HIKESHI: variants seen among roughly 807,000 people sequenced by gnomAD.
HIKESHI encodes heat shock protein nuclear import factor hikeshi.
A neutral mutation model predicts 25.7 loss-of-function variants in HIKESHI; 13 were observed. The observed-to-expected ratio is 0.51, with a 90% CI of 0.33 to 0.80. The LOEUF (loss-of-function observed/expected upper bound fraction) is 0.80, where lower values mean the gene tolerates loss of function less well. Among genes scored for constraint, HIKESHI ranks in the 30% least tolerant of loss-of-function variants. The pLI is 0.02. For missense variants in HIKESHI, 174 were observed against 229.5 expected (o/e 0.76, Z 1.56); for synonymous variants, 76 against 78.7 (o/e 0.97, Z 0.18).
chr11:86,317,436 A>G (rs535974830), intron 2 of HIKESHI, among the ~76,000 whole-genome samples: 10 of 152,336 alleles, frequency 6.6e-5, no homozygotes, highest in African/African-American at 2.2e-4. Context: ...ATGATGGAAA[A>G]CAAACAATAG....
intron 2 of HIKESHI, among the ~76,000 whole-genome samples, chr11:86,308,052 A>C (rs1946708881): frequency 8.1e-6 from 1 of 123,256 alleles, no homozygotes; most frequent in Non-Finnish European, 1.6e-5. Flanking sequence ...TATAAATTAC[A>C]TATAATATAT....
rs574606443 is a variant in HIKESHI, at chr11:86,305,625, A to G, written c.31-620A>G. Among the ~76,000 whole-genome samples the G allele has an allele frequency of 1.8e-3, 274 of 150,234 alleles. 1 individual carries two copies. The highest frequency in any genetic ancestry group is 6.6e-3 in the African/African-American group (269 of 40,884). On this transcript the variant is annotated intron_variant, in intron 1 of 4. Coordinates refer to ENST00000278483, the MANE Select transcript of HIKESHI (RefSeq NM_016401.4). ...GGTTTCGAACTCCTGACGTCGTGTG[A>G]TCCTGGCCTCCCAGAGTGCCAGGAT...
At chr11:86,326,022 G>C (rs1947272857) in intron 2 of HIKESHI, among the ~76,000 whole-genome samples, 1 of 152,166 alleles carries the variant, frequency 6.6e-6, no homozygotes, top group African/African-American at 2.4e-5. Flanking sequence ...TTCAGGCCAG[G>C]CACCGTGGCT....
At chr11:86,334,831 GGTCTCCCCAT>G (rs985073404) in intron 2 of HIKESHI, among the ~76,000 whole-genome samples, 2 of 152,074 alleles carry the variant, frequency 1.3e-5, no homozygotes, top group Non-Finnish European at 2.9e-5. Flanking sequence ...GTAGAGATGG[GGTCTCCCCAT>G]GTTGCCCAGG....
intron 2 of HIKESHI, among the ~76,000 whole-genome samples, chr11:86,307,427 A>G (rs1386633671): frequency 7.3e-6 from 1 of 136,734 alleles, no homozygotes; most frequent in Non-Finnish European, 1.5e-5. Context: ...TATTATGTGT[A>G]GTATACATTA....
chr11:86,303,349 A>G (rs1039242319), intron 1 of HIKESHI: 1 of 925,900 alleles, frequency 1.1e-6, no homozygotes, highest in African/African-American at 1.8e-5. Flanking sequence ...TATTCTGTAC[A>G]TATACAGTTC....
intron 2 of HIKESHI, among the ~76,000 whole-genome samples, chr11:86,312,045 G>T (rs536238795): frequency 6.6e-6 from 1 of 152,288 alleles, no homozygotes; most frequent in East Asian, 1.9e-4. Flanking sequence ...TGTTGATTTG[G>T]TGTGGAGAGT....
intron 2 of HIKESHI, among the ~76,000 whole-genome samples, chr11:86,332,143 T>C (rs1947443880): frequency 6.6e-6 from 1 of 152,050 alleles, no homozygotes; most frequent in Non-Finnish European, 1.5e-5. Flanking sequence ...TTTTATTTTT[T>C]TTAGTAGAGA....
At chr11:86,319,217 A>AATATATATATATAT (rs139667221) in intron 2 of HIKESHI, among the ~76,000 whole-genome samples, 1 of 115,072 alleles carries the variant, frequency 8.7e-6, no homozygotes, top group African/African-American at 3.5e-5. Context: ...CTGGCTTAAA[A>AATATATATATATAT]ATATATATAT....
At chr11:86,339,368 A>C (rs1021461215) in intron 3 of HIKESHI, among the ~76,000 whole-genome samples, 1 of 152,154 alleles carries the variant, frequency 6.6e-6, no homozygotes, top group Non-Finnish European at 1.5e-5. Flanking sequence ...ATTTCTAAGC[A>C]CTCATAGATA....
chr11:86,314,263 G>A (rs1425907741), intron 2 of HIKESHI, among the ~76,000 whole-genome samples: 2 of 152,236 alleles, frequency 1.3e-5, no homozygotes, highest in East Asian at 3.9e-4. Flanking sequence ...AACTGGGACA[G>A]TTCTACCTCC....
At chr11:86,328,868 C>T (rs976673497) in intron 2 of HIKESHI, among the ~76,000 whole-genome samples, 4 of 151,650 alleles carry the variant, frequency 2.6e-5, no homozygotes, top group Admixed American at 6.6e-5. Flanking sequence ...TGAGCCACTG[C>T]GCTCGGCCCC....
rs71040230 is a variant in HIKESHI, at chr11:86,318,303, C to CAAAAAAAAAAAAAAA, written c.268+11827_268+11841dup. On this transcript the variant is annotated intron_variant, in intron 2 of 4. Coordinates refer to ENST00000278483, the MANE Select transcript of HIKESHI (RefSeq NM_016401.4). ...TGGGCGACAGAGCAAGACTCCGTCT[C>CAAAAAAAAAAAAAAA]AAAAAAAAAAAAAAAAAAAATCCTG... 6.4e-4 allele frequency among the ~76,000 whole-genome samples: 23 copies of CAAAAAAAAAAAAAAA among 35,664 alleles called. 1 individual carries two copies. The highest frequency in any genetic ancestry group is 7.9e-4 in the Non-Finnish European group (15 of 19,090). The allele number at this position is 35,664 out of a possible 152,430, so 23.4% of individuals were successfully genotyped here.
Position 86,302,263 on chromosome 11 carries a change from A to C in HIKESHI, c.-186A>C. 3.0e-6 allele frequency: 2 copies of C among 656,430 alleles called. No homozygotes were observed. The highest frequency in any genetic ancestry group is 5.4e-6 in the Non-Finnish European group (2 of 367,558). The allele number at this position is 656,430 out of a possible 1,614,324, so 40.7% of individuals were successfully genotyped here. ...TTGTTGCCTGAGCAGTGGGCTGCTT[A>C]GGAAGAGAAGGTCAGAGTTCGCGGG... On this transcript the variant is annotated 5_prime_UTR_variant, in exon 1 of 5. Transcript: ENST00000278483.
intron 2 of HIKESHI, among the ~76,000 whole-genome samples, chr11:86,322,658 G>A (rs1179078971): frequency 6.6e-6 from 1 of 152,088 alleles, no homozygotes; most frequent in Non-Finnish European, 1.5e-5. Flanking sequence ...TCTGGGTTGT[G>A]CTTTTGATGT....
At chr11:86,310,737 G>A (rs1181020825) in intron 2 of HIKESHI, among the ~76,000 whole-genome samples, 9 of 152,026 alleles carry the variant, frequency 5.9e-5, no homozygotes, top group Non-Finnish European at 7.4e-5. Context: ...GATATGTGCC[G>A]TCAATACCAA....
At chr11:86,326,297 C>T (rs1947282027) in intron 2 of HIKESHI, among the ~76,000 whole-genome samples, 1 of 151,758 alleles carries the variant, frequency 6.6e-6, no homozygotes, top group Non-Finnish European at 1.5e-5. Context: ...GACTCCGTCT[C>T]AAAATAATAA....
chr11:86,323,957 C>T (rs1213629088), intron 2 of HIKESHI: 1 of 151,972 alleles, frequency 6.6e-6, no homozygotes, highest in East Asian at 1.9e-4. Context: ...AATACTAGTT[C>T]TTTTATTGTC....
intron 2 of HIKESHI, among the ~76,000 whole-genome samples, chr11:86,328,526 C>T (rs1593851316): frequency 6.6e-6 from 1 of 151,232 alleles, no homozygotes; most frequent in East Asian, 1.9e-4. Flanking sequence ...CTCACTGCAA[C>T]CTCTGCCTCC....
Sources: allele counts gnomAD v4.1 joint callset (sites outside exome capture counted in the v4.1 genomes callset), GRCh38; gene constraint gnomAD v4.1.1; transcripts MANE v1.5; gene names NCBI Gene and HGNC (gene_info 2026-07-23, HGNC 2026-07-21).